CHSY1: variants seen among roughly 807,000 people sequenced by gnomAD.
CHSY1 encodes N-acetylgalactosaminyl-proteoglycan 3-beta-glucuronosyltransferase 1.
A neutral mutation model predicts 59.8 loss-of-function variants in CHSY1; 13 were observed. That is an observed-to-expected ratio of 0.22 (90% CI 0.14 to 0.35). The LOEUF (loss-of-function observed/expected upper bound fraction) is 0.35. CHSY1 is among the 10% of genes least tolerant of loss of function. CHSY1 has a pLI of 1.00. For missense variants in CHSY1, 947 were observed against 1,030.6 expected, an observed-to-expected ratio of 0.92 and a Z score of 1.11; for synonymous variants, 459 against 401.2, an observed-to-expected ratio of 1.14 and a Z score of -1.72.
In CHSY1 at chr15:101,177,319, T is replaced by G; in HGVS notation, c.*69A>C. 9 of 1,493,404 alleles carry G rather than the reference T, an allele frequency of 6.0e-6. No individual in the cohort carries two copies. Among genetic ancestry groups the G allele is most frequent in the Non-Finnish European group, 8.2e-6 (9 of 1,098,050 alleles). The allele number at this position is 1,493,404 out of a possible 1,614,324, so 92.5% of individuals were successfully genotyped here. ...ATCCTTGTATACGGACTTCAAAAAC[T>G]GATCATACAAAAAATTTTTGAAAAA... On this transcript the variant is annotated 3_prime_UTR_variant, in exon 3 of 3. Coordinates refer to ENST00000254190, the MANE Select transcript of CHSY1 (RefSeq NM_014918.5).
chr15:101,233,427 T>G (rs148687656), intron 2 of CHSY1, among the ~76,000 whole-genome samples: 326 of 152,342 alleles, frequency 2.1e-3, no homozygotes, highest in Middle Eastern at 0.014. Flanking sequence ...CAGGGGAAAG[T>G]GTTCCAAAAT....
Position 101,243,179 on chromosome 15 carries a change from G to A in CHSY1, c.321-7602C>T, listed in dbSNP as rs142791158. On this transcript the variant is annotated intron_variant, in intron 1 of 2. Coordinates refer to ENST00000254190, the MANE Select transcript of CHSY1 (RefSeq NM_014918.5). ...GCCCGCCCTTTGAGCCCAGGTTCACGGCAAACAATGGGAACAGAGACCACA... is the reference window on the plus strand; with the variant it reads ...GCCCGCCCTTTGAGCCCAGGTTCACAGCAAACAATGGGAACAGAGACCACA... Among the ~76,000 whole-genome samples, 18 of 152,108 alleles carry A rather than the reference G, an allele frequency of 1.2e-4. No homozygotes were observed. In the East Asian group the frequency reaches 3.3e-3, roughly 28 times the overall value.
intron 2 of CHSY1, among the ~76,000 whole-genome samples, chr15:101,228,981 G>C (rs537338206): frequency 6.6e-6 from 1 of 152,276 alleles, no homozygotes; most frequent in African/African-American, 2.4e-5. Flanking sequence ...AGACAACACA[G>C]CTACACATGA....
chr15:101,181,813 G>A (rs1238362917), intron 2 of CHSY1, among the ~76,000 whole-genome samples: 1 of 152,114 alleles, frequency 6.6e-6, no homozygotes, highest in East Asian at 1.9e-4. Context: ...GACTCCTCAT[G>A]CAGTCAAAAA....
chr15:101,229,277 T>C (rs1044572413), intron 2 of CHSY1, among the ~76,000 whole-genome samples: 5 of 152,206 alleles, frequency 3.3e-5, no homozygotes, highest in South Asian at 4.1e-4. Flanking sequence ...ATTGGCAGAA[T>C]GCATTTTTTA....
chr15:101,207,666 G>A (rs1288351090), intron 2 of CHSY1, among the ~76,000 whole-genome samples: 1 of 152,160 alleles, frequency 6.6e-6, no homozygotes, highest in African/African-American at 2.4e-5. Flanking sequence ...AGATCTTCCA[G>A]AATATACTAT....
intron 1 of CHSY1, among the ~76,000 whole-genome samples, chr15:101,249,002 A>C (rs1318217130): frequency 1.5e-5 from 2 of 130,682 alleles, no homozygotes; most frequent in East Asian, 4.4e-4. Flanking sequence ...ATGGGGTTTC[A>C]CCGTGTTAGC....
chr15:101,195,646 C>G (rs553519524), intron 2 of CHSY1, among the ~76,000 whole-genome samples: 346 of 152,142 alleles, frequency 2.3e-3, no homozygotes, highest in Admixed American at 6.9e-3. Context: ...ACGGTGAAAC[C>G]CTGTTTCTAC....
chr15:101,204,985 G>A (rs140258817), intron 2 of CHSY1, among the ~76,000 whole-genome samples: 90 of 151,820 alleles, frequency 5.9e-4, no homozygotes, highest in African/African-American at 2.1e-3. Flanking sequence ...CTAATTTTTC[G>A]CAATACTACA....
Position 101,235,382 on chromosome 15 carries a change from A to G in CHSY1, c.516T>C (p.Asp172=), listed in dbSNP as rs1372132412. Residue 172 remains aspartate (D), a synonymous_variant, in exon 2 of 3, where the codon GAT becomes GAC. Transcript: ENST00000254190. ...DKYEWFMRAD[D]DVYIKGDRLE... is the part of the protein sequence containing the mutation. ...GACGGTCTCCTTTGATGTACACGTC[A>G]TCATCTGCTCTCATAAACCATTCAT... 9.3e-6 allele frequency: 15 copies of G among 1,614,050 alleles called. No homozygotes were observed. The highest frequency in any genetic ancestry group is 2.7e-5 in the African/African-American group (2 of 74,918).
In CHSY1 at chr15:101,191,280, T is replaced by G. The variant is rs138460736; in HGVS notation, c.817-12300A>C. Among the ~76,000 whole-genome samples the G allele has an allele frequency of 1.1e-3, 175 of 152,308 alleles. 2 individuals are homozygous for G. In the East Asian group the frequency reaches 0.028, roughly 24 times the overall value. The stretch of plus-strand genomic sequence containing the variant: ...ATCATGAAAAGACACGGAAGAAAGT[T>G]AAATGCATGTTACTAAGTAAAAGAA... On this transcript the variant is annotated intron_variant, in intron 2 of 2. Coordinates refer to ENST00000254190, the MANE Select transcript of CHSY1 (RefSeq NM_014918.5).
At position 101,176,375 on chromosome 15, in the gene CHSY1, T is replaced by A. The variant is rs975082936; in HGVS notation, c.*1013A>T. On this transcript the variant is annotated 3_prime_UTR_variant, in exon 3 of 3. Transcript: ENST00000254190. ...CAACGTTTTGATTAGGGTGTATGTG[T>A]GTATGTTTCAGTCTGTGTACATCAG... 8 of 398,474 alleles carry A rather than the reference T, an allele frequency of 2.0e-5. No homozygotes were observed. Among genetic ancestry groups the A allele is most frequent in the Non-Finnish European group, 3.5e-5 (8 of 226,050 alleles). 24.7% of individuals were successfully genotyped at this position (398,474 alleles called of 1,614,324 possible).
At chr15:101,195,584 G>A (rs1357648700) in intron 2 of CHSY1, among the ~76,000 whole-genome samples, 2 of 152,234 alleles carry the variant, frequency 1.3e-5, no homozygotes, top group Non-Finnish European at 2.9e-5. Flanking sequence ...CACCTTGGGA[G>A]GCTGAGACGG....
chr15:101,244,452 C>T (rs769306742), intron 1 of CHSY1, among the ~76,000 whole-genome samples: 31 of 152,320 alleles, frequency 2.0e-4, no homozygotes, highest in Middle Eastern at 3.4e-3. Context: ...GCCTAGCGGA[C>T]CTCCACACCA....
intron 2 of CHSY1, among the ~76,000 whole-genome samples, chr15:101,206,938 T>C (rs2038633180): frequency 6.6e-6 from 1 of 152,220 alleles, no homozygotes; most frequent in Non-Finnish European, 1.5e-5. Context: ...TCAGGTAAAA[T>C]TAATGTTCTA....
chr15:101,229,929 G>C (rs1469617521), intron 2 of CHSY1, among the ~76,000 whole-genome samples: 1 of 151,496 alleles, frequency 6.6e-6, no homozygotes, highest in Admixed American at 6.6e-5. Context: ...GATGATATTA[G>C]AGACTTCAAT....
At chr15:101,243,910 A>G (rs1323778431) in intron 1 of CHSY1, among the ~76,000 whole-genome samples, 3 of 152,216 alleles carry the variant, frequency 2.0e-5, no homozygotes, top group Non-Finnish European at 4.4e-5. Context: ...GCAAAGTGTA[A>G]CAGTCTTTGC....
chr15:101,221,625 T>C (rs984153986), intron 2 of CHSY1, among the ~76,000 whole-genome samples: 1 of 152,174 alleles, frequency 6.6e-6, no homozygotes, highest in Non-Finnish European at 1.5e-5. Context: ...ACCTAAAAAG[T>C]AAACAAGCAT....
intron 1 of CHSY1, among the ~76,000 whole-genome samples, chr15:101,244,568 CA>C (rs2039032915): frequency 1.3e-5 from 2 of 152,038 alleles, no homozygotes; most frequent in Non-Finnish European, 2.9e-5. Context: ...GTAGAAAAAC[CA>C]GAATATATAG....
Sources: gnomAD v4.1 joint callset for allele counts (sites outside exome capture counted in the v4.1 genomes callset) on GRCh38, gnomAD v4.1.1 for gene constraint, MANE v1.5 for transcripts, NCBI Gene and HGNC (gene_info 2026-07-23, HGNC 2026-07-21) for gene names.